SACS: variants seen among roughly 807,000 people sequenced by gnomAD.
SACS encodes the protein sacsin.
SACS carries 197 observed loss-of-function variants against 348.0 expected under a neutral mutation model. That is an observed-to-expected ratio of 0.57 (90% CI 0.50 to 0.64). The LOEUF (loss-of-function observed/expected upper bound fraction) is 0.64, where lower values mean the gene tolerates loss of function less well. SACS is among the 30% of genes least tolerant of loss of function. SACS has a pLI of 0.00. For synonymous variants in SACS, 1,985 were observed against 1,910.6 expected (o/e 1.04, Z -1.02); for missense variants, 4,999 against 5,360.8 (o/e 0.93, Z 2.11).
Position 23,332,671 on chromosome 13 carries a change from A to G in SACS, c.11205T>C (p.Asn3735=). The G allele has an allele frequency of 6.2e-7, 1 of 1,613,888 alleles. No individual in the cohort carries two copies. Among genetic ancestry groups the G allele is most frequent in the Non-Finnish European group, 8.5e-7 (1 of 1,179,952 alleles). Residue 3735 remains asparagine, a synonymous_variant, in exon 10 of 10, where the codon AAT becomes AAC. Coordinates refer to ENST00000382292, the MANE Select transcript of SACS (RefSeq NM_014363.6). ...GPQEQLEQVL[N]MLNVNLDPPL... The stretch of plus-strand genomic sequence containing the variant: ...GAGGATCCAGGTTAACATTAAGCAT[A>G]TTTAAAACTTGTTCAAGCTGTTCTT...
chr13:23,361,569 G>A (rs1452930775), intron 6 of SACS, among the ~76,000 whole-genome samples: 1 of 152,112 alleles, frequency 6.6e-6, no homozygotes, highest in African/African-American at 2.4e-5. Flanking sequence ...CTGAGGTCAG[G>A]AATTCGAGAC....
In SACS at chr13:23,409,150, A is replaced by G. The variant is rs1291673791; in HGVS notation, c.20+2070T>C. Among the ~76,000 whole-genome samples, 4 of 125,332 alleles carry G rather than the reference A, an allele frequency of 3.2e-5. No individual in the cohort carries two copies. In the East Asian group the frequency reaches 7.6e-4, roughly 24 times the overall value. The allele number at this position is 125,332 out of a possible 152,430, so 82.2% of individuals were successfully genotyped here. A position where few individuals can be genotyped will look rare whatever the true frequency, so the allele number is the denominator to read the frequency against. On this transcript the variant is annotated intron_variant, in intron 2 of 9. Transcript: ENST00000382292. ...TCACTGATTGCAAGCTCCGCCTCCC[A>G]GCTTCACACCATTCTCCTGCCTCAG...
chr13:23,381,355 GCA>G (rs71100174), intron 2 of SACS, among the ~76,000 whole-genome samples: 48,635 of 139,704 alleles, frequency 0.35, 8,535 homozygotes, highest in Non-Finnish European at 0.41. Context: ...GCAGCACGAA[GCA>G]CACACACACA....
intron 2 of SACS, among the ~76,000 whole-genome samples, chr13:23,388,768 C>T (rs1280909741): frequency 6.6e-6 from 1 of 151,790 alleles, no homozygotes; most frequent in Non-Finnish European, 1.5e-5. Flanking sequence ...TAAAAAACTA[C>T]ATATTGGGTA....
chr13:23,368,016 T>C (rs1871165005), intron 5 of SACS, among the ~76,000 whole-genome samples: 1 of 152,188 alleles, frequency 6.6e-6, no homozygotes, highest in African/African-American at 2.4e-5. Flanking sequence ...AGGAGTCCAA[T>C]GGGCATGCAT....
At chr13:23,349,164 A>T (rs576113975) in intron 9 of SACS, among the ~76,000 whole-genome samples, 2 of 152,250 alleles carry the variant, frequency 1.3e-5, no homozygotes. Context: ...AGACAGGGAC[A>T]TCAACTGCAA....
chr13:23,335,483 G>C lies in SACS; in HGVS notation c.8393C>G (p.Pro2798Arg), dbSNP rs140551762. The C allele has an allele frequency of 5.3e-5, 85 of 1,613,600 alleles. No individual in the cohort carries two copies. The highest frequency in any genetic ancestry group is 7.0e-5 in the Non-Finnish European group (83 of 1,179,838). ...CATAGTATAGGTTATTTGTTGAACT[G>C]GTATGTCTTTGAGCTGCCTCTTTTT... ...VTKKRQLKDI[P>R]VQQITYTMDT... Residue 2798 changes from proline to arginine, a missense_variant, in exon 10 of 10, where the codon CCA (proline) becomes CGA (arginine). Physicochemically the swap from Pro to Arg is moderately radical, Grantham distance 103. Around this residue, in one of 6 missense-constraint regions of SACS, gnomAD observed 3,156 missense variants for 3,380.1 expected, o/e 0.93. Transcript: ENST00000382292. This position sits in a 1 kb window ranked among gnomAD's most constrained non-coding sequence, Gnocchi z 4.7.
intron 3 of SACS, among the ~76,000 whole-genome samples, chr13:23,373,017 C>T (rs1195382662): frequency 6.6e-6 from 1 of 152,180 alleles, no homozygotes; most frequent in Non-Finnish European, 1.5e-5. Flanking sequence ...CACCCTGCCA[C>T]TTTCACCATC....
rs35369023 is a variant in SACS, at chr13:23,337,807, G to A, written c.6069C>T (p.Asn2023=). The A allele has an allele frequency of 1.2e-3, 1,867 of 1,613,856 alleles. 19 individuals carry two copies. The African/African-American group carries it at 0.022, about 19-fold the overall frequency. Residue 2023 remains asparagine (N), a synonymous_variant, in exon 10 of 10, where the codon AAC becomes AAT. Coordinates refer to ENST00000382292, the MANE Select transcript of SACS (RefSeq NM_014363.6). The part of the protein sequence containing the change: ...LKYLKKTGSK[N]LCAVELPSSV... ...AAGAAGGAAGTTCAACAGCACAAAG[G>A]TTTTTGGACCCAGTCTTCTTGAGGT...
intron 1 of SACS, among the ~76,000 whole-genome samples, chr13:23,419,473 G>A (rs1011899308): frequency 2.0e-5 from 3 of 152,142 alleles, no homozygotes; most frequent in African/African-American, 4.8e-5. Flanking sequence ...GGGCTTGATG[G>A]GGCCTGCCAT....
chr13:23,413,284 C>T (rs552979738), intron 1 of SACS, among the ~76,000 whole-genome samples: 1 of 152,326 alleles, frequency 6.6e-6, no homozygotes, highest in African/African-American at 2.4e-5. Context: ...GGCCGGCAAA[C>T]TTTATAAACA....
chr13:23,409,354 GT>G (rs542678644), intron 2 of SACS, among the ~76,000 whole-genome samples: 5,341 of 105,658 alleles, frequency 0.051, 131 homozygotes, highest in East Asian at 0.13. Flanking sequence ...CGCGCTGGCC[GT>G]TTTTTTTTTT....
Position 23,371,084 on chromosome 13 carries a change from C to G in SACS, c.253G>C (p.Gly85Arg). Residue 85 changes from glycine (G) to arginine (R), a missense_variant, in exon 4 of 10, where the codon GGG becomes CGG. Coordinates refer to ENST00000382292, the MANE Select transcript of SACS (RefSeq NM_014363.6). ...GGTAAAGTCAATATTATACCTCCCC[C>G]TTTTAAGCCTTTTGATTGAAGGTTT... ...FVNLQSKGLK[G>R]GGRFGQTTPP... The G allele has an allele frequency of 6.3e-7, 1 of 1,595,828 alleles. No homozygotes were observed. The highest frequency in any genetic ancestry group is 8.6e-7 in the Non-Finnish European group (1 of 1,163,820).
At chr13:23,352,493 C>G (rs1404214221) in intron 9 of SACS, among the ~76,000 whole-genome samples, 1 of 152,172 alleles carries the variant, frequency 6.6e-6, no homozygotes, top group Non-Finnish European at 1.5e-5. Flanking sequence ...TCTGTGTAAT[C>G]TTCTGGTAAT....
rs137856939 is a variant in SACS, at chr13:23,333,265, T to C, written c.10611A>G (p.Ala3537=). ...IHDANSRLKQ[A]KHFYDRTVRV... ...TCACAGTTCTATCATAGAAATGCTT[T>C]GCTTGCTTTAGTCTACTGTTAGCAT... Residue 3537 remains alanine, a synonymous_variant, in exon 10 of 10, where the codon GCA becomes GCG. Transcript: ENST00000382292. 1,029 of 1,602,018 alleles carry C rather than the reference T, an allele frequency of 6.4e-4. 5 individuals are homozygous for C. Among genetic ancestry groups the C allele is most frequent in the African/African-American group, 6.3e-3 (468 of 74,324 alleles).
At chr13:23,404,892 G>A (rs2137940322) in intron 2 of SACS, among the ~76,000 whole-genome samples, 1 of 152,262 alleles carries the variant, frequency 6.6e-6, no homozygotes, top group South Asian at 2.1e-4. Flanking sequence ...ACAAACCACT[G>A]CTCAAGGAAA....
rs1868540298 is a variant in SACS, at chr13:23,335,825, A to G, written c.8051T>C (p.Leu2684Pro). ...FRTQFSDVLD[L>P]YLGTHFKLDN... is the part of the protein sequence containing the mutation. Reference sequence around the variant, plus strand: ...CAGTTTAAAATGGGTTCCCAGATAAAGATCCAGAACATCTGAGAACTGTGT... The same window carrying G: ...CAGTTTAAAATGGGTTCCCAGATAAGGATCCAGAACATCTGAGAACTGTGT... The change falls in exon 10 of 10, where the codon CTT becomes CCT. Residue 2684 changes from leucine to proline, a missense_variant. Physicochemically the swap from Leu to Pro is moderately conservative, Grantham distance 98. Around this residue, in one of 6 missense-constraint regions of SACS, gnomAD observed 3,156 missense variants for 3,380.1 expected, o/e 0.93. Transcript: ENST00000382292. The surrounding 1 kb of genome is among the most constrained non-coding windows in gnomAD (Gnocchi z 4.7). The G allele has an allele frequency of 3.7e-6, 6 of 1,614,042 alleles. No individual in the cohort carries two copies. The highest frequency in any genetic ancestry group is 5.1e-6 in the Non-Finnish European group (6 of 1,179,912).
rs1361252165 is a variant in SACS at position 23,333,966 on chromosome 13, G to C, written c.9910C>G (p.Leu3304Val). 6.2e-7 allele frequency: 1 copy of C among 1,613,898 alleles called. No homozygotes were observed. The highest frequency in any genetic ancestry group is 1.1e-5 in the South Asian group (1 of 91,070). ...AAAACTGCAATGTGCATAAGGCTGAGAGGAAGCAGAACATCTCCTTCAGGA... is the reference window on the plus strand; with the variant it reads ...AAAACTGCAATGTGCATAAGGCTGACAGGAAGCAGAACATCTCCTTCAGGA... ...VVPEGDVLLP[L>V]SLMHIAVFPN... Residue 3304 changes from leucine (L) to valine (V), a missense_variant, in exon 10 of 10, where the codon CTC becomes GTC. By Grantham distance (32) the Leu-to-Val change is conservative. Around this residue, in one of 6 missense-constraint regions of SACS, gnomAD observed 734 missense variants for 694.0 expected, o/e 1.06. Transcript: ENST00000382292.
chr13:23,333,054 T>C lies in SACS; in HGVS notation c.10822A>G (p.Ser3608Gly), dbSNP rs760150798. The change falls in exon 10 of 10, where the codon AGT (serine) becomes GGT (glycine). Residue 3608 changes from serine to glycine, a missense_variant. This residue lies in a region of SACS where 831 missense variants were observed against 941.8 expected (regional missense o/e 0.88). Transcript: ENST00000382292. The part of the protein sequence containing the change: ...QQLLQFAKEI[S>G]VRANTENWSK... ...CAGTTTTCTGTATTAGCCCTCACAC[T>C]GATTTCCTTAGCAAACTGTAACAAC... is the stretch of plus-strand genomic sequence containing the variant. 5.0e-6 allele frequency: 8 copies of C among 1,614,022 alleles called. No individual in the cohort carries two copies. The South Asian group carries it at 8.8e-5, about 18-fold the overall frequency.
Sources: allele counts gnomAD v4.1 joint callset (sites outside exome capture counted in the v4.1 genomes callset), GRCh38; gene constraint gnomAD v4.1.1; regional missense constraint gnomAD v4.1.1; non-coding constraint Gnocchi (gnomAD v3.1); transcripts MANE v1.5; gene names NCBI Gene and HGNC (gene_info 2026-07-23, HGNC 2026-07-21).